INPP4A: variants seen among roughly 807,000 people sequenced by gnomAD.
INPP4A encodes the protein inositol polyphosphate-4-phosphatase type I A.
INPP4A carries 33 observed loss-of-function variants against 119.8 expected under a neutral mutation model. That is an observed-to-expected ratio of 0.28 (90% CI 0.21 to 0.37). INPP4A has a LOEUF of 0.37. Among genes scored for constraint, INPP4A ranks in the 10% least tolerant of loss-of-function variants. INPP4A has a pLI of 1.00. For synonymous variants in INPP4A, 496 were observed against 500.7 expected (o/e 0.99, Z 0.12); for missense variants, 956 against 1,289.9 (o/e 0.74, Z 3.97).
At chr2:98,455,512 A>G (rs887930145) in intron 1 of INPP4A, among the ~76,000 whole-genome samples, 3 of 152,110 alleles carry the variant, frequency 2.0e-5, no homozygotes, top group Non-Finnish European at 2.9e-5. Context: ...GTTTGTCCCC[A>G]ACTTGCCAGT....
chr2:98,548,836 T>C (rs1692959291), intron 13 of INPP4A: 3 of 945,464 alleles, frequency 3.2e-6, no homozygotes, highest in Non-Finnish European at 4.9e-6. Context: ...AGTTGGGACC[T>C]CAACAAATAA....
At chr2:98,540,523 C>G (rs1343189820) in intron 10 of INPP4A, among the ~76,000 whole-genome samples, 1 of 152,196 alleles carries the variant, frequency 6.6e-6, no homozygotes, top group Non-Finnish European at 1.5e-5. Flanking sequence ...TAATTTTGTG[C>G]TGCTGTAACA....
chr2:98,523,241 A>G (rs1216960246), intron 4 of INPP4A, among the ~76,000 whole-genome samples: 1 of 152,254 alleles, frequency 6.6e-6, no homozygotes, highest in Admixed American at 6.5e-5. Context: ...ATCCGCCTAT[A>G]AATCAGGACA....
chr2:98,552,687 C>A, intron 13 of INPP4A, 99 bp from the exon 14 acceptor site: 1 of 948,844 alleles, frequency 1.1e-6, no homozygotes, highest in Non-Finnish European at 1.7e-6. Context: ...AGTCACAGAA[C>A]ACTTCATCTT....
At chr2:98,552,490 T>C (rs1181562) in intron 13 of INPP4A, 475,322 of 488,604 alleles carry the variant, frequency 0.97, 231,358 homozygotes, top group East Asian at 1. Flanking sequence ...TGGGTGATTA[T>C]GGGATATGAT....
chr2:98,555,902 C>G, intron 16 of INPP4A, 94 bp downstream of exon 16: 1 of 1,419,042 alleles, frequency 7.0e-7, no homozygotes, highest in Non-Finnish European at 9.5e-7. Context: ...CCTCCTCCCC[C>G]ATGCAGACTG....
chr2:98,447,822 C>T (rs1302807139), intron 1 of INPP4A, among the ~76,000 whole-genome samples: 4 of 151,910 alleles, frequency 2.6e-5, no homozygotes, highest in African/African-American at 4.8e-5. Flanking sequence ...CCGAGGCGGG[C>T]GGATCACAAG....
Position 98,587,775 on chromosome 2 carries a change from G to GT in INPP4A, c.*174dup, listed in dbSNP as rs985382116. The GT allele has an allele frequency of 2.5e-5, 14 of 558,642 alleles. No homozygotes were observed. Among genetic ancestry groups the GT allele is most frequent in the Middle Eastern group, 9.3e-4 (2 of 2,150 alleles). 34.6% of individuals were successfully genotyped at this position (558,642 alleles called of 1,614,324 possible). ...CTGGAGCATGTTTTTTGTTTTTTGG[G>GT]TTTTTTTCCCCATTGGAATCAATAG... On this transcript the variant is annotated 3_prime_UTR_variant, in exon 25 of 25. Transcript: ENST00000409851.
chr2:98,517,257 A>G (rs1339887426), intron 1 of INPP4A, among the ~76,000 whole-genome samples: 1 of 152,116 alleles, frequency 6.6e-6, no homozygotes, highest in Non-Finnish European at 1.5e-5. Context: ...CATCTGTTCT[A>G]CTGTTGACGA....
intron 1 of INPP4A, among the ~76,000 whole-genome samples, chr2:98,475,737 C>T (rs975419661): frequency 1.3e-5 from 2 of 152,090 alleles, no homozygotes; most frequent in African/African-American, 4.8e-5. Context: ...CTCCCTTCTA[C>T]CTGCTTTTCT....
chr2:98,539,043 T>C, intron 9 of INPP4A, 62 bp downstream of exon 9: 1 of 836,626 alleles, frequency 1.2e-6, no homozygotes, highest in Non-Finnish European at 1.9e-6. Flanking sequence ...GGGCCCGCAG[T>C]CCCCTTTGCT....
Position 98,555,681 on chromosome 2 carries a change from C to G in INPP4A, c.1695C>G (p.Thr565=). The change falls in exon 16 of 25, where the codon ACC becomes ACG. Residue 565 remains threonine, a synonymous_variant. Transcript: ENST00000409851. ...TCTTCCCCTGTGCAGGCAGCTGCAC[C>G]AGCAAGAAAGGTAACCCGGACAGCC... ...EDVFPCAGSC[T]SKKGNPDSHA... 1 of 1,613,910 alleles carries G rather than the reference C, an allele frequency of 6.2e-7. No homozygotes were observed. Among genetic ancestry groups the G allele is most frequent in the Non-Finnish European group, 8.5e-7 (1 of 1,179,846 alleles).
intron 1 of INPP4A, among the ~76,000 whole-genome samples, chr2:98,494,865 G>C (rs1356229247): frequency 6.6e-6 from 1 of 152,154 alleles, no homozygotes; most frequent in African/African-American, 2.4e-5. Context: ...GCAATTAGTG[G>C]GGTCTAACAG....
intron 1 of INPP4A, among the ~76,000 whole-genome samples, chr2:98,446,953 A>C (rs1460627675): frequency 2.6e-5 from 4 of 152,178 alleles, no homozygotes; most frequent in Non-Finnish European, 5.9e-5. Context: ...TATGACAGAG[A>C]ACTATCAGCC....
intron 24 of INPP4A, among the ~76,000 whole-genome samples, chr2:98,579,834 A>G (rs558092076): frequency 2.0e-5 from 3 of 152,244 alleles, no homozygotes; most frequent in African/African-American, 4.8e-5. Flanking sequence ...TACAGTGAAC[A>G]TGTATCACTT....
chr2:98,528,815 C>T (rs564317777), intron 4 of INPP4A, among the ~76,000 whole-genome samples: 24 of 152,276 alleles, frequency 1.6e-4, no homozygotes, highest in African/African-American at 4.8e-4. Context: ...CAGTGGCTCA[C>T]GCTTGTAATC....
At chr2:98,517,585 C>T (rs897831788) in intron 1 of INPP4A, among the ~76,000 whole-genome samples, 8 of 152,154 alleles carry the variant, frequency 5.3e-5, no homozygotes, top group Non-Finnish European at 1.2e-4. Flanking sequence ...GTTTGCATTT[C>T]CCTGATGACT....
chr2:98,514,890 A>C (rs932608907), intron 1 of INPP4A, among the ~76,000 whole-genome samples: 4 of 151,962 alleles, frequency 2.6e-5, no homozygotes, highest in Non-Finnish European at 5.9e-5. Flanking sequence ...ACTCCAGCCT[A>C]GGAGACAGAA....
chr2:98,509,345 C>T (rs983161467), intron 1 of INPP4A, among the ~76,000 whole-genome samples: 10 of 152,298 alleles, frequency 6.6e-5, no homozygotes, highest in East Asian at 1.9e-4. Context: ...ATTAGATTCT[C>T]GTAGGAGCAC....
Sources: allele counts gnomAD v4.1 joint callset (sites outside exome capture counted in the v4.1 genomes callset), GRCh38; gene constraint gnomAD v4.1.1; transcripts MANE v1.5; gene names NCBI Gene and HGNC (gene_info 2026-07-23, HGNC 2026-07-21).